Variants in SDK1 observed in about 807,000 individuals in gnomAD.
SDK1 encodes the protein protein sidekick-1.
SDK1 carries 157 observed loss-of-function variants against 245.5 expected under a neutral mutation model. The ratio of observed to expected loss-of-function variants is 0.64; its 90% confidence interval spans 0.56 to 0.73. SDK1 has a LOEUF of 0.73. SDK1 is among the 30% of genes least tolerant of loss of function. The pLI, the probability that SDK1 is intolerant of heterozygous loss-of-function variation, is 0.00. For synonymous variants in SDK1, 1,647 were observed against 1,278.5 expected, an observed-to-expected ratio of 1.29 and a Z score of -6.15; for missense variants, 3,583 against 3,002.3, an observed-to-expected ratio of 1.19 and a Z score of -4.52.
intron 14 of SDK1, among the ~76,000 whole-genome samples, chr7:4,008,497 G>A (rs888691673): frequency 3.3e-5 from 5 of 152,228 alleles, no homozygotes; most frequent in African/African-American, 1.2e-4. Flanking sequence ...CCATTGGCCG[G>A]GGTCGGGTCA....
intron 4 of SDK1, among the ~76,000 whole-genome samples, chr7:3,698,356 G>A (rs1288787214): frequency 1.3e-5 from 2 of 152,154 alleles, no homozygotes; most frequent in Non-Finnish European, 2.9e-5. Flanking sequence ...CCCTCTCACG[G>A]TATTGGAGAG....
intron 4 of SDK1, among the ~76,000 whole-genome samples, chr7:3,672,760 T>TATATATACATAC (rs1554307106): frequency 5.0e-5 from 2 of 40,040 alleles, no homozygotes; most frequent in African/African-American, 2.3e-4. Flanking sequence ...TATATAATTT[T>TATATATACATAC]ATATATATAT....
chr7:3,644,856 C>A (rs1328270917), intron 4 of SDK1, among the ~76,000 whole-genome samples: 1 of 146,484 alleles, frequency 6.8e-6, no homozygotes, highest in Non-Finnish European at 1.5e-5. Context: ...TATAAATATT[C>A]TAGAAGTTTC....
rs113752245 is a variant in SDK1, at chr7:3,834,402, G to T, written c.847+12819G>T. Among the ~76,000 whole-genome samples, 469 of 152,328 alleles carry T rather than the reference G, an allele frequency of 3.1e-3. 2 individuals are homozygous for T. Among genetic ancestry groups the T allele is most frequent in the African/African-American group, 0.011 (454 of 41,578 alleles). ...GAACACAGTGTGTTAAATGCCACAC[G>T]AAAGGGAGTTGTGTAGAAGAAGCTT... On this transcript the variant is annotated intron_variant, in intron 5 of 44. Coordinates refer to ENST00000404826, the MANE Select transcript of SDK1 (RefSeq NM_152744.4).
chr7:3,595,350 C>T (rs989782924), intron 1 of SDK1, among the ~76,000 whole-genome samples: 3 of 152,042 alleles, frequency 2.0e-5, no homozygotes, highest in Non-Finnish European at 4.4e-5. Flanking sequence ...TATTAAATGT[C>T]CCCTGCATGA....
Position 4,048,457 on chromosome 7 carries a change from G to C in SDK1, c.2603-891G>C, listed in dbSNP as rs147462896. Among the ~76,000 whole-genome samples, 415 of 152,198 alleles carry C rather than the reference G, an allele frequency of 2.7e-3. 2 individuals are homozygous for C. The highest frequency in any genetic ancestry group is 0.015 in the South Asian group (73 of 4,822). ...ACGGTAGACAATCCCAGCGAGACCC[G>C]CGCACTGTCAGCACCCCGCTTCCCC... On this transcript the variant is annotated intron_variant, in intron 17 of 44. Coordinates refer to ENST00000404826, the MANE Select transcript of SDK1 (RefSeq NM_152744.4).
At chr7:3,694,052 G>A (rs1032910680) in intron 4 of SDK1, among the ~76,000 whole-genome samples, 16 of 152,254 alleles carry the variant, frequency 1.1e-4, no homozygotes, top group African/African-American at 3.4e-4. Flanking sequence ...ATTTGTCATA[G>A]TTCACCTTTT....
chr7:3,699,059 G>C (rs926796406), intron 4 of SDK1, among the ~76,000 whole-genome samples: 2 of 152,144 alleles, frequency 1.3e-5, no homozygotes, highest in African/African-American at 4.8e-5. Flanking sequence ...AGGCCAAGTG[G>C]GGCTCCTGGA....
chr7:3,552,077 C>T (rs575866223), intron 1 of SDK1, among the ~76,000 whole-genome samples: 17 of 151,926 alleles, frequency 1.1e-4, no homozygotes, highest in South Asian at 8.3e-4. Flanking sequence ...CTCGCTCTGT[C>T]GCCCAGGCTG....
chr7:3,861,301 C>A (rs1390623695), intron 5 of SDK1, among the ~76,000 whole-genome samples: 1 of 152,176 alleles, frequency 6.6e-6, no homozygotes, highest in Non-Finnish European at 1.5e-5. Flanking sequence ...ATTTTACTCT[C>A]CACTAGTTAT....
chr7:3,391,897 G>T (rs1018919563), intron 1 of SDK1, among the ~76,000 whole-genome samples: 1 of 151,416 alleles, frequency 6.6e-6, no homozygotes, highest in Admixed American at 6.6e-5. Context: ...CCAAAGTGAT[G>T]GGATCACAGG....
At chr7:4,229,994 A>G (rs1319529252) in intron 40 of SDK1, among the ~76,000 whole-genome samples, 1 of 145,678 alleles carries the variant, frequency 6.9e-6, no homozygotes, top group Non-Finnish European at 1.5e-5. Flanking sequence ...GGAAGGAAGA[A>G]TGGATGGATA....
intron 4 of SDK1, among the ~76,000 whole-genome samples, chr7:3,763,481 C>G (rs1748374578): frequency 6.6e-6 from 1 of 152,182 alleles, no homozygotes; most frequent in Non-Finnish European, 1.5e-5. Flanking sequence ...TCCCTCCATT[C>G]TTCCACCAGT....
chr7:4,161,969 G>A (rs1781164176), intron 32 of SDK1, 113 bp downstream of exon 32: 1 of 917,434 alleles, frequency 1.1e-6, no homozygotes, highest in Admixed American at 1.9e-5. Context: ...AAGCGTTTGA[G>A]AGTAGAACCA....
intron 4 of SDK1, among the ~76,000 whole-genome samples, chr7:3,648,867 T>C (rs77856536): frequency 0.026 from 3,953 of 152,322 alleles, 168 homozygotes; most frequent in African/African-American, 0.09. Flanking sequence ...AAATTACTTA[T>C]TCTCCCTTTG....
intron 1 of SDK1, among the ~76,000 whole-genome samples, chr7:3,579,840 C>T (rs1780424344): frequency 6.6e-6 from 1 of 152,128 alleles, no homozygotes; most frequent in African/African-American, 2.4e-5. Context: ...TGACATGATT[C>T]TACATAAAAA....
chr7:3,967,441 A>G lies in SDK1; in HGVS notation c.1546+7A>G, dbSNP rs755176331. The G allele has an allele frequency of 7.1e-6, 11 of 1,556,078 alleles. No individual in the cohort carries two copies. The African/African-American group carries it at 1.1e-4, about 15-fold the overall frequency. Reference sequence around the variant, plus strand: ...GCCATCACCTGGAAAAGAGGTGGGTAGCATCCACTGCCCACAACAGCATGG... The same window carrying G: ...GCCATCACCTGGAAAAGAGGTGGGTGGCATCCACTGCCCACAACAGCATGG... On this transcript the variant is annotated splice_region_variant and intron_variant, in intron 10 of 44. Coordinates refer to ENST00000404826, the MANE Select transcript of SDK1 (RefSeq NM_152744.4).
chr7:4,225,290 C>A (rs930685910), intron 40 of SDK1, among the ~76,000 whole-genome samples: 1 of 152,150 alleles, frequency 6.6e-6, no homozygotes, highest in African/African-American at 2.4e-5. Flanking sequence ...TGGGACTCTT[C>A]AACTACCTCA....
intron 4 of SDK1, among the ~76,000 whole-genome samples, chr7:3,766,560 A>T (rs561987326): frequency 3.9e-5 from 6 of 152,206 alleles, no homozygotes; most frequent in Non-Finnish European, 8.8e-5. Flanking sequence ...TAGAGGGAAT[A>T]ATATAACGTG....
Sources: allele counts gnomAD v4.1 joint callset (sites outside exome capture counted in the v4.1 genomes callset), GRCh38; gene constraint gnomAD v4.1.1; transcripts MANE v1.5; gene names NCBI Gene and HGNC (gene_info 2026-07-23, HGNC 2026-07-21).